Variants in TRIM5 observed in about 807,000 individuals in gnomAD.
The protein encoded by TRIM5 is tripartite motif-containing protein 5.
A neutral mutation model predicts 35.6 loss-of-function variants in TRIM5; 31 were observed. The ratio of observed to expected loss-of-function variants is 0.87; its 90% CI spans 0.65 to 1.18. The LOEUF is 1.18. Ranked by LOEUF, TRIM5 falls within the 50% of genes most tolerant of loss-of-function variation. TRIM5 has a pLI of 0.00. For missense variants in TRIM5, 609 were observed against 591.6 expected, an observed-to-expected ratio of 1.03 and a Z score of -0.31; for synonymous variants, 243 against 215.6, an observed-to-expected ratio of 1.13 and a Z score of -1.11.
chr11:5,642,641 A>G, the TRIM5 span: 1 of 1,387,736 alleles, frequency 7.2e-7, no homozygotes, highest in Non-Finnish European at 9.7e-7. Context: ...TTCTGTGGTG[A>G]AGAGGATGCA....
chr11:5,657,542 TTA>T, the TRIM5 span, among the ~76,000 whole-genome samples: 2 of 125,080 alleles, frequency 1.6e-5, no homozygotes, highest in African/African-American at 6.9e-5. Context: ...TATTTATATA[TTA>T]TATATAATGC....
At chr11:5,642,538 G>C in the TRIM5 span, 27 of 1,609,644 alleles carry the variant, frequency 1.7e-5, no homozygotes, top group Non-Finnish European at 2.0e-5. Context: ...CTGTGGATGT[G>C]GGATTGTTGT....
chr11:5,637,259 A>G, the TRIM5 span, among the ~76,000 whole-genome samples: 3 of 152,262 alleles, frequency 2.0e-5, no homozygotes, highest in African/African-American at 7.2e-5. Context: ...CTTTCTTTCT[A>G]TATGGATTCT....
At chr11:5,645,880 A>AAATATATATATAT in the TRIM5 span, 23 of 136,770 alleles carry the variant, frequency 1.7e-4, no homozygotes, top group African/African-American at 7.2e-4. Context: ...AAAAAAAAAA[A>AAATATATATATAT]ATATATATAT....
rs536086572 is a variant in TRIM5, at chr11:5,663,349, C to A, written c.*1460G>T. The A allele has an allele frequency of 1.8e-4, 168 of 957,312 alleles. No individual in the cohort carries two copies. The highest frequency in any genetic ancestry group is 5.3e-4 in the Middle Eastern group (1 of 1,880). 59.3% of individuals were successfully genotyped at this position (957,312 alleles called of 1,614,324 possible). On this transcript the variant is annotated 3_prime_UTR_variant, in exon 8 of 8. Transcript: ENST00000380034. ...CTAATATGTAGCAACACTAGAATTACAATAAAATCCTAAATATATGTGTGT... is the reference window on the plus strand; with the variant it reads ...CTAATATGTAGCAACACTAGAATTAAAATAAAATCCTAAATATATGTGTGT...
intron 4 of TRIM5, among the ~76,000 whole-genome samples, chr11:5,675,059 C>T (rs1210343693): frequency 4.6e-5 from 7 of 151,482 alleles, no homozygotes; most frequent in African/African-American, 1.2e-4. Context: ...GATGGAGTCT[C>T]GCACTGTTGC....
chr11:5,671,312 A>AC (rs1851572105), intron 4 of TRIM5, among the ~76,000 whole-genome samples: 2 of 132,316 alleles, frequency 1.5e-5, no homozygotes, highest in African/African-American at 3.5e-5. Flanking sequence ...ATTAAAAAAA[A>AC]AACACAAAAA....
the TRIM5 span, among the ~76,000 whole-genome samples, chr11:5,621,925 C>T: frequency 7.9e-4 from 120 of 152,248 alleles, 3 homozygotes; most frequent in South Asian, 0.023. Flanking sequence ...AAAATGTATA[C>T]AACCAAGTTG....
the TRIM5 span, among the ~76,000 whole-genome samples, chr11:5,655,192 TAAA>T: frequency 7.6e-5 from 9 of 118,038 alleles, no homozygotes; most frequent in Admixed American, 8.9e-5. Flanking sequence ...AAACTCCGTC[TAAA>T]AAAAAAAAAA....
intron 4 of TRIM5, among the ~76,000 whole-genome samples, chr11:5,676,803 T>C (rs1450088293): frequency 6.6e-6 from 1 of 150,534 alleles, no homozygotes; most frequent in African/African-American, 2.4e-5. Flanking sequence ...ACGACGCATA[T>C]CTACAACTAT....
chr11:5,643,498 C>G, the TRIM5 span: 1 of 1,614,074 alleles, frequency 6.2e-7, no homozygotes, highest in Non-Finnish European at 8.5e-7. Flanking sequence ...TCCTCTGATC[C>G]CGAGGTTTTG....
the TRIM5 span, among the ~76,000 whole-genome samples, chr11:5,642,110 A>T: frequency 7.2e-5 from 11 of 152,238 alleles, no homozygotes; most frequent in Admixed American, 5.2e-4. Context: ...GTTTTATCCA[A>T]TTTTTTATTA....
the TRIM5 span, among the ~76,000 whole-genome samples, chr11:5,657,642 TTA>T: frequency 2.5e-5 from 3 of 122,202 alleles, no homozygotes; most frequent in Non-Finnish European, 4.9e-5. Flanking sequence ...TATATATTAT[TTA>T]TATATTATAT....
chr11:5,597,309 C>T, the TRIM5 span, among the ~76,000 whole-genome samples: 2 of 152,132 alleles, frequency 1.3e-5, no homozygotes, highest in South Asian at 4.1e-4. Context: ...GGCTGCCTGA[C>T]ACAAATTATG....
At chr11:5,618,495 G>A in the TRIM5 span, among the ~76,000 whole-genome samples, 1 of 152,068 alleles carries the variant, frequency 6.6e-6, no homozygotes, top group Non-Finnish European at 1.5e-5. Flanking sequence ...TTAAACTTGG[G>A]GTCTAGCTTA....
At chr11:5,666,884 C>A (rs1415994929) in intron 5 of TRIM5, among the ~76,000 whole-genome samples, 1 of 152,144 alleles carries the variant, frequency 6.6e-6, no homozygotes, top group Non-Finnish European at 1.5e-5. Flanking sequence ...CGGAAATAAA[C>A]ATCTGATTTT....
chr11:5,641,278 A>C, the TRIM5 span: 2 of 1,598,126 alleles, frequency 1.3e-6, no homozygotes, highest in South Asian at 2.2e-5. Context: ...TTGGAATAAA[A>C]AATCTCCCAG....
chr11:5,629,567 C>G, the TRIM5 span, among the ~76,000 whole-genome samples: 1 of 152,302 alleles, frequency 6.6e-6, no homozygotes, highest in East Asian at 1.9e-4. Flanking sequence ...GTGGTACACC[C>G]TCTGGCTGAC....
chr11:5,637,810 A>G, the TRIM5 span, among the ~76,000 whole-genome samples: 2 of 152,154 alleles, frequency 1.3e-5, no homozygotes, highest in Non-Finnish European at 2.9e-5. Context: ...GACTTTGCCT[A>G]TTCTAAGTAC....
Sources: allele counts gnomAD v4.1 joint callset (sites outside exome capture counted in the v4.1 genomes callset), GRCh38; gene constraint gnomAD v4.1.1; transcripts MANE v1.5; gene names NCBI Gene and HGNC (gene_info 2026-07-23, HGNC 2026-07-21).